The following VIT variants were observed in gnomAD, a reference collection of about 807,000 sequenced individuals.
VIT encodes vitrin.
Under a neutral mutation model 78.0 loss-of-function variants are expected in VIT, and 99 were observed. That is an observed-to-expected ratio of 1.27 (90% confidence interval 1.08 to 1.50). The LOEUF is 1.50. VIT is among the 40% of genes most tolerant of loss of function. The pLI is 0.00. For synonymous variants in VIT, 374 were observed against 334.3 expected (o/e 1.12, Z -1.29); for missense variants, 1,126 against 875.3 (o/e 1.29, Z -3.61).
rs973623076 is a variant in VIT at position 36,802,398 on chromosome 2, G to C, written c.1162+994G>C. Among the ~76,000 whole-genome samples, 4 of 152,320 alleles carry C rather than the reference G, an allele frequency of 2.6e-5. No individual in the cohort carries two copies. The South Asian group carries it at 8.3e-4, about 32-fold the overall frequency. On this transcript the variant is annotated intron_variant, in intron 13 of 15. Transcript: ENST00000379242. ...TCATGAGCCACAGTTGCTTGGCTTA[G>C]AGTACATGCAGGGAATTGAGCTGTC... is the stretch of plus-strand genomic sequence containing the variant.
At chr2:36,759,619 T>C in intron 6 of VIT, 1 of 1,002,628 alleles carries the variant, frequency 1.0e-6, no homozygotes, top group Non-Finnish European at 1.2e-6. Flanking sequence ...CTATGCATTA[T>C]TGTATCTCCA....
At chr2:36,731,195 C>A (rs903916215) in intron 3 of VIT, among the ~76,000 whole-genome samples, 1 of 152,098 alleles carries the variant, frequency 6.6e-6, no homozygotes, top group African/African-American at 2.4e-5. Flanking sequence ...AAGCTACATC[C>A]AGAAAGTTCA....
intron 1 of VIT, among the ~76,000 whole-genome samples, chr2:36,706,578 T>C (rs181772665): frequency 1.2e-4 from 19 of 152,242 alleles, no homozygotes; most frequent in South Asian, 8.3e-4. Flanking sequence ...CAGGGCCCCA[T>C]ATGACCTGCA....
At chr2:36,718,830 CA>C (rs1035612824) in intron 2 of VIT, among the ~76,000 whole-genome samples, 70 of 152,072 alleles carry the variant, frequency 4.6e-4, no homozygotes, top group African/African-American at 1.7e-3. Flanking sequence ...CTTTAGCAAA[CA>C]AAAAAATGGG....
At chr2:36,757,952 A>T (rs1161486368) in intron 5 of VIT, among the ~76,000 whole-genome samples, 2 of 152,022 alleles carry the variant, frequency 1.3e-5, no homozygotes, top group African/African-American at 2.4e-5. Flanking sequence ...CTGCTTCATG[A>T]CCCTACGATT....
At chr2:36,773,103 C>T (rs1004005921) in intron 7 of VIT, among the ~76,000 whole-genome samples, 4 of 152,290 alleles carry the variant, frequency 2.6e-5, no homozygotes, top group South Asian at 4.2e-4. Context: ...ATCAATACCA[C>T]GTTAACGCAG....
At chr2:36,728,169 G>A (rs372889622) in intron 2 of VIT, among the ~76,000 whole-genome samples, 13 of 151,982 alleles carry the variant, frequency 8.6e-5, no homozygotes, top group Admixed American at 6.6e-4. Context: ...GACCTCAGGC[G>A]ATCCACCCAC....
intron 6 of VIT, among the ~76,000 whole-genome samples, chr2:36,761,095 C>CA (rs1361696497): frequency 3.3e-5 from 5 of 152,146 alleles, no homozygotes; most frequent in African/African-American, 1.2e-4. Context: ...AATACACCCC[C>CA]AAAACTCTGC....
At chr2:36,797,851 G>A (rs1032167942) in intron 12 of VIT, among the ~76,000 whole-genome samples, 2 of 152,190 alleles carry the variant, frequency 1.3e-5, no homozygotes, top group African/African-American at 4.8e-5. Flanking sequence ...TGTTAATTGA[G>A]TGCCTGTAGG....
intron 4 of VIT, among the ~76,000 whole-genome samples, chr2:36,744,960 A>C (rs896424284): frequency 2.0e-5 from 3 of 152,148 alleles, no homozygotes; most frequent in African/African-American, 7.2e-5. Flanking sequence ...TCTTACATGT[A>C]AGTCTTTAAT....
rs1246711510 is a variant in VIT at position 36,801,387 on chromosome 2, G to A, written c.1145G>A (p.Gly382Glu). 3 of 1,613,070 alleles carry A rather than the reference G, an allele frequency of 1.9e-6. No individual in the cohort carries two copies. Among genetic ancestry groups the A allele is most frequent in the Middle Eastern group, 1.7e-4 (1 of 6,060 alleles). ...KTAIEKITQR[G>E]GLSNVGRAIS... ...GCCATAGAGAAAATTACTCAGAGAG[G>A]AGGACTTTCTAATGTAGGTATGTGA... is the stretch of plus-strand genomic sequence containing the variant. The change falls in exon 13 of 16, where the codon GGA becomes GAA. Residue 382 changes from glycine (G) to glutamate (E), a missense_variant. By Grantham distance (98) the Gly-to-Glu change is moderately conservative. Transcript: ENST00000379242.
chr2:36,755,450 A>C (rs1423542481), intron 5 of VIT, among the ~76,000 whole-genome samples: 1 of 152,204 alleles, frequency 6.6e-6, no homozygotes, highest in African/African-American at 2.4e-5. Context: ...CAGCAAATCC[A>C]TTGTGTCATA....
At chr2:36,709,853 G>A (rs1303387522) in intron 1 of VIT, among the ~76,000 whole-genome samples, 3 of 152,202 alleles carry the variant, frequency 2.0e-5, no homozygotes, top group African/African-American at 7.2e-5. Flanking sequence ...TGAAGAGTTT[G>A]TAATGCCTCA....
intron 2 of VIT, among the ~76,000 whole-genome samples, chr2:36,722,618 T>C (rs994590061): frequency 1.1e-4 from 16 of 152,344 alleles, no homozygotes; most frequent in Admixed American, 9.2e-4. Flanking sequence ...GTGGATACTA[T>C]CTATGTTAGC....
intron 9 of VIT, 73 bp from the exon 10 acceptor site, chr2:36,781,654 G>A: frequency 5.2e-6 from 8 of 1,546,316 alleles, no homozygotes; most frequent in Non-Finnish European, 6.2e-6. Flanking sequence ...TTATCATCCC[G>A]GCAATTCACT....
intron 1 of VIT, among the ~76,000 whole-genome samples, chr2:36,701,843 C>T (rs1250470690): frequency 1.3e-5 from 2 of 152,136 alleles, no homozygotes; most frequent in African/African-American, 4.8e-5. Flanking sequence ...AAAAAGAATT[C>T]AGGGGAAGAG....
At chr2:36,777,346 G>C (rs904329722) in intron 9 of VIT, among the ~76,000 whole-genome samples, 3 of 151,950 alleles carry the variant, frequency 2.0e-5, no homozygotes, top group African/African-American at 7.2e-5. Flanking sequence ...TAGACTTCAT[G>C]TCTTTTTTTA....
intron 1 of VIT, among the ~76,000 whole-genome samples, chr2:36,709,432 T>G (rs538141760): frequency 6.6e-6 from 1 of 152,332 alleles, no homozygotes; most frequent in Admixed American, 6.5e-5. Flanking sequence ...TGACACTTAG[T>G]ATATGTTCAG....
At chr2:36,707,472 G>T (rs1249944514) in intron 1 of VIT, among the ~76,000 whole-genome samples, 1 of 152,170 alleles carries the variant, frequency 6.6e-6, no homozygotes, top group African/African-American at 2.4e-5. Context: ...AGCCCACCTG[G>T]ACTAGTAACT....
Sources: allele counts gnomAD v4.1 joint callset (sites outside exome capture counted in the v4.1 genomes callset), GRCh38; gene constraint gnomAD v4.1.1; transcripts MANE v1.5; gene names NCBI Gene and HGNC (gene_info 2026-07-23, HGNC 2026-07-21).